Variants in ANKRD30B observed in about 807,000 individuals in gnomAD.
ANKRD30B encodes the protein ankyrin repeat domain 30B, also known as ankyrin repeat domain-containing protein 30B.
Under a neutral mutation model 202.2 loss-of-function variants are expected in ANKRD30B, and 144 were observed. The ratio of observed to expected loss-of-function variants is 0.71; its 90% CI spans 0.62 to 0.82. ANKRD30B has a LOEUF of 0.82. ANKRD30B is among the 40% of genes least tolerant of loss of function. The pLI is 0.00. For missense variants in ANKRD30B, 1,487 were observed against 1,669.1 expected (o/e 0.89, Z 1.90); for synonymous variants, 508 against 561.3 (o/e 0.91, Z 1.34).
At chr18:14,914,701 T>A in the ANKRD30B span, among the ~76,000 whole-genome samples, 1 of 152,156 alleles carries the variant, frequency 6.6e-6, no homozygotes, top group Non-Finnish European at 1.5e-5. Context: ...TGTTACTAGA[T>A]GAAAGGTCAT....
chr18:14,854,877 ACACG>A (rs1453999674), downstream of ANKRD30B, among the ~76,000 whole-genome samples: 4 of 137,774 alleles, frequency 2.9e-5, no homozygotes, highest in South Asian at 9.6e-4. Flanking sequence ...ACACACACAC[ACACG>A]CTCTACCCTT....
At chr18:14,834,112 A>G (rs1481687874) in intron 34 of ANKRD30B, among the ~76,000 whole-genome samples, 2 of 152,208 alleles carry the variant, frequency 1.3e-5, no homozygotes, top group African/African-American at 4.8e-5. Context: ...GAAACAACCT[A>G]TACCATTTCA....
intron 4 of ANKRD30B, among the ~76,000 whole-genome samples, chr18:14,756,122 T>A (rs1338875067): frequency 1.3e-5 from 2 of 152,220 alleles, no homozygotes; most frequent in South Asian, 2.1e-4. Context: ...GGTATCTCAT[T>A]GTGGTTTTGA....
chr18:14,784,952 T>A (rs2143878633), intron 14 of ANKRD30B, among the ~76,000 whole-genome samples: 1 of 152,316 alleles, frequency 6.6e-6, no homozygotes, highest in Non-Finnish European at 1.5e-5. Flanking sequence ...TTTCCGGTGT[T>A]GTCACTTTGG....
the ANKRD30B span, among the ~76,000 whole-genome samples, chr18:14,873,278 C>G: frequency 6.6e-6 from 1 of 152,032 alleles, no homozygotes; most frequent in South Asian, 2.1e-4. Flanking sequence ...GTAATCCCAG[C>G]ACTTGGGGAG....
intron 16 of ANKRD30B, among the ~76,000 whole-genome samples, 153 bp downstream of exon 16, chr18:14,791,644 C>A (rs968405874): frequency 1.3e-5 from 2 of 152,028 alleles, no homozygotes; most frequent in Admixed American, 1.3e-4. Context: ...TACGTCTTAT[C>A]AGGTGTTGGT....
Position 14,784,329 on chromosome 18 carries a change from A to G in ANKRD30B, c.1571-7A>G, listed in dbSNP as rs1163814679. On this transcript the variant is annotated splice_region_variant and splice_polypyrimidine_tract_variant and intron_variant, in intron 12 of 43. Coordinates refer to ENST00000690538, the MANE Select transcript of ANKRD30B (RefSeq NM_001367607.2). Reference sequence around the variant, plus strand: ...ATGATTGATGATAAATCTCTTTTGCATTTTAGAGCTTCCTGAGAAGCCATC... The same window carrying G: ...ATGATTGATGATAAATCTCTTTTGCGTTTTAGAGCTTCCTGAGAAGCCATC... 3 of 1,611,868 alleles carry G rather than the reference A, an allele frequency of 1.9e-6. No homozygotes were observed. Among genetic ancestry groups the G allele is most frequent in the Non-Finnish European group, 2.5e-6 (3 of 1,178,768 alleles).
chr18:14,758,559 T>C (rs887248686), intron 5 of ANKRD30B, among the ~76,000 whole-genome samples: 3 of 152,170 alleles, frequency 2.0e-5, no homozygotes, highest in Admixed American at 2.0e-4. Context: ...TTTTTTAAAG[T>C]TCACATACAT....
the ANKRD30B span, among the ~76,000 whole-genome samples, chr18:14,907,459 G>A: frequency 6.6e-6 from 1 of 152,144 alleles, no homozygotes; most frequent in African/African-American, 2.4e-5. Flanking sequence ...GCCCTGGGCA[G>A]TGATGTCCCA....
At chr18:14,794,977 G>C (rs1280346041) in intron 16 of ANKRD30B, among the ~76,000 whole-genome samples, 3 of 152,150 alleles carry the variant, frequency 2.0e-5, no homozygotes, top group Non-Finnish European at 4.4e-5. Flanking sequence ...TTTTCTTGAA[G>C]CTAAGCTTTC....
chr18:14,798,913 G>C (rs1488544932), intron 20 of ANKRD30B, among the ~76,000 whole-genome samples, 188 bp from the exon 21 acceptor site: 1 of 152,076 alleles, frequency 6.6e-6, no homozygotes. Context: ...CATAGCAACA[G>C]TTTCAGGGGG....
At chr18:14,921,226 G>C in the ANKRD30B span, among the ~76,000 whole-genome samples, 82 of 152,014 alleles carry the variant, frequency 5.4e-4, 1 homozygote, top group African/African-American at 1.9e-3. Flanking sequence ...CATGTGTTTA[G>C]ATACAACTGC....
At chr18:14,931,600 TG>T in the ANKRD30B span, among the ~76,000 whole-genome samples, 9 of 152,128 alleles carry the variant, frequency 5.9e-5, no homozygotes, top group African/African-American at 2.2e-4. Flanking sequence ...GTGTGTTGTG[TG>T]GGTGTGGGAG....
rs1180734340 is a variant in ANKRD30B, at chr18:14,851,980, G to T, written c.4036G>T (p.Glu1346Ter). ...VDVSNTIYNN[E>*]VLHQPLYEAQ... ...TGTGAGTAATACAATATATAACAAT[G>T]AGGTGCTCCATCAACCACTTTATGA... Residue 1346 changes from glutamate to a stop codon, truncating the protein, a stop_gained, in exon 42 of 44, where the codon GAG becomes TAG. Coordinates refer to ENST00000690538, the MANE Select transcript of ANKRD30B (RefSeq NM_001367607.2). LOFTEE classifies it high-confidence loss of function. 1.2e-6 allele frequency: 2 copies of T among 1,600,264 alleles called. No homozygotes were observed. The highest frequency in any genetic ancestry group is 1.7e-6 in the Non-Finnish European group (2 of 1,172,240).
the ANKRD30B span, among the ~76,000 whole-genome samples, chr18:14,928,205 C>T: frequency 1.1e-4 from 17 of 152,122 alleles, no homozygotes; most frequent in Admixed American, 7.9e-4. Context: ...CGACCTCAGG[C>T]GATCTGCCTG....
At chr18:14,767,682 T>C (rs919759964) in intron 7 of ANKRD30B, among the ~76,000 whole-genome samples, 1 of 148,216 alleles carries the variant, frequency 6.7e-6, no homozygotes, top group South Asian at 2.2e-4. Context: ...ATAATGTTGA[T>C]GGTTGGGACT....
chr18:14,797,249 G>T (rs536606369), intron 18 of ANKRD30B, among the ~76,000 whole-genome samples: 1 of 152,088 alleles, frequency 6.6e-6, no homozygotes, highest in Non-Finnish European at 1.5e-5. Flanking sequence ...ACAAGGGTAG[G>T]ATTCCATTCC....
Position 14,760,611 on chromosome 18 carries a change from C to T in ANKRD30B, c.813C>T (p.Thr271=). 6.5e-7 allele frequency: 1 copy of T among 1,535,222 alleles called. No homozygotes were observed. Among genetic ancestry groups the T allele is most frequent in the East Asian group, 2.5e-5 (1 of 40,136 alleles). Residue 271 remains threonine (T), a synonymous_variant, in exon 6 of 44, where the codon ACC becomes ACT. Transcript: ENST00000690538. ...IRKLPKNPQN[T]NPEGTSTGTP... is the part of the protein sequence containing the mutation. ...AATTACCTAAAAATCCTCAAAATAC[C>T]AATCCAGGTAAGACTTCGGATAGCA...
chr18:14,841,223 C>T (rs575548473), intron 37 of ANKRD30B, among the ~76,000 whole-genome samples: 15 of 152,086 alleles, frequency 9.9e-5, no homozygotes, highest in East Asian at 1.9e-4. Flanking sequence ...CACAGCTGTG[C>T]GTGTATATAA....
Sources: allele counts gnomAD v4.1 joint callset (sites outside exome capture counted in the v4.1 genomes callset), GRCh38; gene constraint gnomAD v4.1.1; transcripts MANE v1.5; gene names NCBI Gene and HGNC (gene_info 2026-07-23, HGNC 2026-07-21).